Variants in SCNN1G observed in about 807,000 individuals in gnomAD.
The protein encoded by SCNN1G is epithelial sodium channel subunit gamma.
SCNN1G carries 27 observed loss-of-function variants against 64.6 expected under a neutral mutation model. The observed-to-expected ratio is 0.42, with a 90% CI of 0.31 to 0.58. The LOEUF (loss-of-function observed/expected upper bound fraction) is 0.58, where lower values mean the gene tolerates loss of function less well. SCNN1G is among the 20% of genes least tolerant of loss of function. The pLI is 0.18. For missense variants in SCNN1G, 743 were observed against 823.4 expected (o/e 0.90, Z 1.19); for synonymous variants, 330 against 314.2 (o/e 1.05, Z -0.53).
chr16:23,192,578 A>T (rs370358256), intron 4 of SCNN1G, 36 bp downstream of exon 4: 1 of 1,563,968 alleles, frequency 6.4e-7, no homozygotes, highest in African/African-American at 1.3e-5. Context: ...GCCTCTAAGG[A>T]CTGGCAGCTC....
intron 3 of SCNN1G, 92 bp from the exon 4 acceptor site, chr16:23,192,259 TG>T: frequency 2.0e-6 from 2 of 1,024,712 alleles, no homozygotes; most frequent in Non-Finnish European, 3.1e-6. Context: ...CCTGAGTATC[TG>T]GCCTGGAGTC....
At chr16:23,204,318 TATATATATATATATATAG>T (rs1236433803) in intron 6 of SCNN1G, among the ~76,000 whole-genome samples, 26 of 82,682 alleles carry the variant, frequency 3.1e-4, no homozygotes, top group South Asian at 1.4e-3. Context: ...TATATATATA[TATATATATATATATATAG>T]AGAGAGAGAG....
Position 23,194,234 on chromosome 16 carries a change from T to C in SCNN1G, c.873T>C (p.Asn291=), listed in dbSNP as rs751890827. Residue 291 remains asparagine, a synonymous_variant, in exon 5 of 13, where the codon AAT becomes AAC. Transcript: ENST00000300061. ...GNCYTFNNRE[N]ETILSTSMGG... ...GCTATACTTTCAACAACAGAGAAAA[T>C]GAGACCATTCTCAGCACCTCCATGG... The C allele has an allele frequency of 6.2e-7, 1 of 1,613,920 alleles. No homozygotes were observed. The highest frequency in any genetic ancestry group is 1.1e-5 in the South Asian group (1 of 91,080).
intron 6 of SCNN1G, 101 bp from the exon 7 acceptor site, chr16:23,209,649 C>T: frequency 3.5e-6 from 3 of 855,824 alleles, no homozygotes; most frequent in Middle Eastern, 2.2e-4. Context: ...TTCTCAGCTC[C>T]CAAGGGCTGC....
At chr16:23,210,685 T>C (rs193286113) in intron 7 of SCNN1G, among the ~76,000 whole-genome samples, 1 of 152,080 alleles carries the variant, frequency 6.6e-6, no homozygotes, top group African/African-American at 2.4e-5. Context: ...CAGCACTGAG[T>C]CTTCCAACTT....
intron 5 of SCNN1G, 91 bp from the exon 6 acceptor site, chr16:23,197,173 T>C: frequency 9.3e-7 from 1 of 1,076,468 alleles, no homozygotes; most frequent in Non-Finnish European, 1.4e-6. Flanking sequence ...TGGTCTTGGG[T>C]TTGAAGCTCC....
intron 1 of SCNN1G, 24 bp from the exon 2 acceptor site, chr16:23,186,204 T>C: frequency 6.6e-7 from 1 of 1,517,834 alleles, no homozygotes; most frequent in Non-Finnish European, 9.1e-7. Context: ...CCAGCTCACC[T>C]GCTTCTCTTC....
intron 1 of SCNN1G, among the ~76,000 whole-genome samples, chr16:23,183,944 T>C (rs1356796751): frequency 6.6e-6 from 1 of 152,174 alleles, no homozygotes; most frequent in Admixed American, 6.5e-5. Flanking sequence ...GTTTCATTTG[T>C]ACAATGGAGG....
At chr16:23,193,693 C>T (rs990070323) in intron 4 of SCNN1G, among the ~76,000 whole-genome samples, 53 of 152,102 alleles carry the variant, frequency 3.5e-4, no homozygotes, top group Admixed American at 3.3e-3. Context: ...AACACTAAGC[C>T]TCTTTCACCT....
chr16:23,189,069 C>T (rs1959660160), intron 2 of SCNN1G, among the ~76,000 whole-genome samples: 1 of 152,058 alleles, frequency 6.6e-6, no homozygotes, highest in Admixed American at 6.6e-5. Context: ...CTGACAGTCA[C>T]CACTACAGAA....
chr16:23,209,975 A>C, intron 7 of SCNN1G, 127 bp downstream of exon 7: 1 of 729,006 alleles, frequency 1.4e-6, no homozygotes. Context: ...TCATCCAGAG[A>C]CCTCAAGAAC....
rs1960087695 is a variant in SCNN1G, at chr16:23,212,054, C to T, written c.1197C>T (p.Phe399=). 6 of 1,613,472 alleles carry T rather than the reference C, an allele frequency of 3.7e-6. No individual in the cohort carries two copies. The highest frequency in any genetic ancestry group is 1.6e-4 in the Middle Eastern group (1 of 6,082). The part of the protein sequence containing the change: ...YSLQICLHSC[F]QTKMVEKCGC... ...TTCAGATCTGCCTTCATTCATGCTT[C>T]CAGACAAAGATGGTGGAGAAATGTG... Residue 399 remains phenylalanine (F), a synonymous_variant, in exon 8 of 13, where the codon TTC becomes TTT. Transcript: ENST00000300061.
intron 3 of SCNN1G, 122 bp downstream of exon 3, chr16:23,189,793 C>T (rs1422706579): frequency 2.0e-6 from 2 of 989,220 alleles, no homozygotes; most frequent in Non-Finnish European, 1.6e-6. Flanking sequence ...CAGCTGGGGT[C>T]AGACACAGTG....
At chr16:23,189,825 G>A (rs575367625) in intron 3 of SCNN1G, among the ~76,000 whole-genome samples, 154 bp downstream of exon 3, 50 of 152,190 alleles carry the variant, frequency 3.3e-4, no homozygotes, top group African/African-American at 9.6e-4. Context: ...TAATCCCAGC[G>A]CTTTGGGAGG....
intron 5 of SCNN1G, among the ~76,000 whole-genome samples, chr16:23,196,730 C>T (rs943451302): frequency 1.3e-5 from 2 of 152,180 alleles, no homozygotes; most frequent in Non-Finnish European, 2.9e-5. Context: ...GACTCTGCAA[C>T]TTTTCACTCT....
At chr16:23,186,699 A>C (rs1959612787) in intron 2 of SCNN1G, 111 bp downstream of exon 2, 1 of 917,328 alleles carries the variant, frequency 1.1e-6, no homozygotes, top group Non-Finnish European at 1.7e-6. Flanking sequence ...CCAGCCTACA[A>C]ATGTGCTTTC....
intron 11 of SCNN1G, among the ~76,000 whole-genome samples, chr16:23,214,091 G>A (rs568094028): frequency 6.6e-6 from 1 of 152,192 alleles, no homozygotes; most frequent in Non-Finnish European, 1.5e-5. Context: ...ATGGTTAAGA[G>A]CATGGACTTT....
chr16:23,189,556 A>G lies in SCNN1G; in HGVS notation c.503A>G (p.Lys168Arg). 1 of 1,614,232 alleles carries G rather than the reference A, an allele frequency of 6.2e-7. No homozygotes were observed. The highest frequency in any genetic ancestry group is 8.5e-7 in the Non-Finnish European group (1 of 1,180,036). Residue 168 changes from lysine (K) to arginine (R), a missense_variant, in exon 3 of 13, where the codon AAG becomes AGG. Coordinates refer to ENST00000300061, the MANE Select transcript of SCNN1G (RefSeq NM_001039.4). ...IPLLIFDQDEKGKARDFFTGR... is the reference protein window; with the variant it reads ...IPLLIFDQDERGKARDFFTGR... ...CTGCTGATCTTTGATCAGGATGAGA[A>G]GGGCAAGGCCAGGGACTTCTTCACA...
chr16:23,210,537 T>C (rs1960063438), intron 7 of SCNN1G, among the ~76,000 whole-genome samples: 7 of 152,190 alleles, frequency 4.6e-5, no homozygotes, highest in Admixed American at 3.9e-4. Context: ...CCTGTAGACA[T>C]CTGACTTTTC....
Sources: gnomAD v4.1 joint callset for allele counts (sites outside exome capture counted in the v4.1 genomes callset) on GRCh38, gnomAD v4.1.1 for gene constraint, MANE v1.5 for transcripts, NCBI Gene and HGNC (gene_info 2026-07-23, HGNC 2026-07-21) for gene names.